METTL9: variants seen among roughly 807,000 people sequenced by gnomAD.
The protein encoded by METTL9 is protein-L-histidine N-pros-methyltransferase.
A neutral mutation model predicts 36.0 loss-of-function variants in METTL9; 10 were observed. The observed-to-expected ratio is 0.28, with a 90% CI of 0.17 to 0.47. METTL9 has a LOEUF of 0.47. Among genes scored for constraint, METTL9 ranks in the 20% least tolerant of loss-of-function variants. The pLI is 0.99. For synonymous variants in METTL9, 175 were observed against 149.7 expected, an observed-to-expected ratio of 1.17 and a Z score of -1.23; for missense variants, 246 against 383.5, an observed-to-expected ratio of 0.64 and a Z score of 3.00.
chr16:21,641,582 G>T, intron 4 of METTL9: 1 of 1,578,774 alleles, frequency 6.3e-7, no homozygotes, highest in Non-Finnish European at 8.7e-7. Flanking sequence ...CATAAGTGTT[G>T]TTATCTTTCT....
intron 3 of METTL9, among the ~76,000 whole-genome samples, chr16:21,622,453 G>T (rs1168120950): frequency 6.6e-6 from 1 of 151,988 alleles, no homozygotes; most frequent in African/African-American, 2.4e-5. Flanking sequence ...ATTCTCTAAG[G>T]AGAAATATAT....
intron 4 of METTL9, among the ~76,000 whole-genome samples, chr16:21,632,275 T>A (rs971234942): frequency 1.3e-5 from 2 of 152,216 alleles, no homozygotes; most frequent in Admixed American, 1.3e-4. Flanking sequence ...GTATACACAT[T>A]TATTCTTTTT....
intron 2 of METTL9, among the ~76,000 whole-genome samples, chr16:21,616,209 CT>C (rs1254920458): frequency 8.5e-5 from 13 of 152,168 alleles, no homozygotes; most frequent in Admixed American, 7.2e-4. Context: ...TTCCCTGCCA[CT>C]TCCTGGACCA....
intron 4 of METTL9, chr16:21,647,373 G>T (rs1966457749): frequency 6.2e-7 from 1 of 1,614,020 alleles, no homozygotes; most frequent in South Asian, 1.1e-5. Flanking sequence ...AGGCATGTTG[G>T]TTGCTCAGAA....
In METTL9 at chr16:21,651,295, A is replaced by G. The variant is rs909946604; in HGVS notation, c.752-3932A>G. On this transcript the variant is annotated intron_variant, in intron 4 of 4. Coordinates refer to ENST00000358154, the MANE Select transcript of METTL9 (RefSeq NM_016025.5). ...GACATTTAAACAAAGCTGTCTCTCT[A>G]TCTAGTAAGTAAGAAGTAAGTAAAT... Among the ~76,000 whole-genome samples the G allele has an allele frequency of 7.2e-5, 11 of 152,134 alleles. No individual in the cohort carries two copies. The East Asian group carries it at 7.7e-4, about 11-fold the overall frequency.
chr16:21,615,130 A>G (rs1019246460), intron 2 of METTL9, among the ~76,000 whole-genome samples: 1 of 152,116 alleles, frequency 6.6e-6, no homozygotes, highest in Admixed American at 6.5e-5. Context: ...GGCTTGATGG[A>G]TTTTGATTTA....
intron 4 of METTL9, chr16:21,627,389 A>G (rs553627013): frequency 3.0e-6 from 3 of 985,042 alleles, no homozygotes; most frequent in African/African-American, 3.5e-5. Flanking sequence ...CAGTTTTGCT[A>G]TTTGGAAAAA....
At chr16:21,620,418 C>T (rs944658484) in intron 3 of METTL9, among the ~76,000 whole-genome samples, 5 of 152,068 alleles carry the variant, frequency 3.3e-5, no homozygotes, top group Middle Eastern at 3.2e-3. Context: ...GGCTGAATTC[C>T]TAATCTGATT....
chr16:21,598,455 C>T (rs1041832013), upstream of METTL9, among the ~76,000 whole-genome samples: 1 of 151,778 alleles, frequency 6.6e-6, no homozygotes, highest in African/African-American at 2.4e-5. Context: ...TGATGTGCAA[C>T]GCTGAATTAA....
chr16:21,617,590 G>T (rs759892933), intron 2 of METTL9, among the ~76,000 whole-genome samples: 1 of 151,864 alleles, frequency 6.6e-6, no homozygotes, highest in Non-Finnish European at 1.5e-5. Flanking sequence ...TAAGCCGGGT[G>T]TGGTGGTGCA....
At chr16:21,655,131 C>T (rs950323394) in intron 4 of METTL9, 96 bp from the exon 5 acceptor site, 47 of 1,085,250 alleles carry the variant, frequency 4.3e-5, no homozygotes, top group Admixed American at 6.6e-5. Context: ...AGGCTTGGAA[C>T]GTACCAAGTC....
intron 4 of METTL9, among the ~76,000 whole-genome samples, chr16:21,629,020 A>C (rs1371712381): frequency 6.6e-6 from 1 of 151,376 alleles, no homozygotes; most frequent in Non-Finnish European, 1.5e-5. Context: ...CAGCCTGCTG[A>C]GTAGCTGGGG....
In METTL9 at chr16:21,599,949, C is replaced by A. The variant is rs767284340; in HGVS notation, c.165+51C>A. Reference sequence around the variant, plus strand: ...CGGGGGCGTGGCGGCCCGGCCTTCCCGCGCTGGGCCCGGCTATTGTGCGGG... The same window carrying A: ...CGGGGGCGTGGCGGCCCGGCCTTCCAGCGCTGGGCCCGGCTATTGTGCGGG... On this transcript the variant is annotated intron_variant, in intron 1 of 4. Transcript: ENST00000358154. The surrounding 1 kb of genome is among the most constrained non-coding windows in gnomAD (Gnocchi z 4.4). 3.9e-6 allele frequency: 5 copies of A among 1,272,704 alleles called. No individual in the cohort carries two copies. Among genetic ancestry groups the A allele is most frequent in the Non-Finnish European group, 4.0e-6 (4 of 1,012,348 alleles). 78.8% of individuals were successfully genotyped at this position (1,272,704 alleles called of 1,614,324 possible). A position where few individuals can be genotyped will look rare whatever the true frequency, so the allele number is the denominator to read the frequency against.
chr16:21,621,470 C>T (rs545302362), intron 3 of METTL9, among the ~76,000 whole-genome samples: 9 of 152,154 alleles, frequency 5.9e-5, no homozygotes, highest in East Asian at 5.8e-4. Context: ...GGATTACAGG[C>T]GCATGCCGCC....
In METTL9 at chr16:21,655,977, A is replaced by T. The variant is rs2141632380; in HGVS notation, c.*545A>T. On this transcript the variant is annotated 3_prime_UTR_variant, in exon 5 of 5. Transcript: ENST00000358154. ...TGAATTCATATAAAGCTCCCCTAGC[A>T]TTTTTTATTGGTTTGGCTTCAGGAG... 1 of 152,844 alleles carries T rather than the reference A, an allele frequency of 6.5e-6. No homozygotes were observed. Among genetic ancestry groups the T allele is most frequent in the East Asian group, 1.9e-4 (1 of 5,188 alleles). 9.5% of individuals were successfully genotyped at this position (152,844 alleles called of 1,614,324 possible).
intron 2 of METTL9, among the ~76,000 whole-genome samples, chr16:21,617,146 A>G (rs1400442890): frequency 6.6e-6 from 1 of 152,166 alleles, no homozygotes; most frequent in Non-Finnish European, 1.5e-5. Flanking sequence ...TTTGCTGGGC[A>G]CGGTGGCTCA....
chr16:21,621,493 A>AT (rs911172468), intron 3 of METTL9, among the ~76,000 whole-genome samples: 5 of 151,664 alleles, frequency 3.3e-5, no homozygotes, highest in Admixed American at 1.3e-4. Context: ...ACCCAGCTAA[A>AT]TTTTTTGTAT....
Position 21,655,644 on chromosome 16 carries a change from T to G in METTL9, c.*212T>G. The G allele has an allele frequency of 1.9e-6, 1 of 526,072 alleles. No individual in the cohort carries two copies. Among genetic ancestry groups the G allele is most frequent in the Non-Finnish European group, 3.3e-6 (1 of 299,858 alleles). The allele number at this position is 526,072 out of a possible 1,614,324, so 32.6% of individuals were successfully genotyped here. ...AAAAACCCAACTCTTTGTGGATTTT[T>G]ATCAACTCTTTACTCAGAGCCACTC... On this transcript the variant is annotated 3_prime_UTR_variant, in exon 5 of 5. Coordinates refer to ENST00000358154, the MANE Select transcript of METTL9 (RefSeq NM_016025.5).
chr16:21,617,775 G>T, intron 2 of METTL9, 90 bp from the exon 3 acceptor site: 1 of 1,131,946 alleles, frequency 8.8e-7, no homozygotes, highest in South Asian at 1.3e-5. Flanking sequence ...ATGGTTGTTG[G>T]TGCTGAGTCA....
Sources: gnomAD v4.1 joint callset for allele counts (sites outside exome capture counted in the v4.1 genomes callset) on GRCh38, gnomAD v4.1.1 for gene constraint, Gnocchi (gnomAD v3.1) non-coding constraint, MANE v1.5 for transcripts, NCBI Gene and HGNC (gene_info 2026-07-23, HGNC 2026-07-21) for gene names.